The following ATP8B1 variants were observed in gnomAD, a reference collection of about 807,000 sequenced individuals.
ATP8B1 encodes the protein ATPase phospholipid transporting 8B1, also known as phospholipid-transporting ATPase IC.
A neutral mutation model predicts 149.9 loss-of-function variants in ATP8B1; 80 were observed. The observed-to-expected ratio is 0.53, with a 90% CI of 0.45 to 0.64. The LOEUF (loss-of-function observed/expected upper bound fraction) is 0.64, where lower values mean the gene tolerates loss of function less well. Ranked by LOEUF, ATP8B1 falls within the 30% of genes least tolerant of loss-of-function variation. The pLI, the probability that ATP8B1 is intolerant of heterozygous loss-of-function variation, is 0.00. For synonymous variants in ATP8B1, 536 were observed against 562.8 expected (o/e 0.95, Z 0.67); for missense variants, 1,247 against 1,552.6 (o/e 0.80, Z 3.31).
chr18:57,675,107 G>A (rs1251031280), intron 15 of ATP8B1, 85 bp from the exon 16 acceptor site: 1 of 1,442,026 alleles, frequency 6.9e-7, no homozygotes, highest in East Asian at 2.4e-5. Flanking sequence ...AGGCTCCTGT[G>A]GGGGTCAGAT....
At chr18:57,703,101 A>G (rs569197417) in intron 4 of ATP8B1, among the ~76,000 whole-genome samples, 5 of 152,186 alleles carry the variant, frequency 3.3e-5, no homozygotes, top group African/African-American at 1.2e-4. Flanking sequence ...TGAAGGTCTT[A>G]CAGTTTCCTA....
intron 1 of ATP8B1, among the ~76,000 whole-genome samples, chr18:57,788,635 TA>T (rs931050329): frequency 3.3e-5 from 5 of 152,144 alleles, no homozygotes; most frequent in African/African-American, 1.2e-4. Flanking sequence ...AAGAGTACCC[TA>T]ACCCAGTTCC....
intron 2 of ATP8B1, among the ~76,000 whole-genome samples, chr18:57,722,179 T>A (rs927477362): frequency 6.6e-6 from 1 of 150,970 alleles, no homozygotes; most frequent in African/African-American, 2.5e-5. Flanking sequence ...AACATCACAA[T>A]TAAAAGAAGT....
At chr18:57,664,067 C>G (rs1294499898) in intron 20 of ATP8B1, among the ~76,000 whole-genome samples, 5 of 41,484 alleles carry the variant, frequency 1.2e-4, no homozygotes, top group South Asian at 3.4e-3. Context: ...GCCTGGCCAG[C>G]CCTTTTTTTT....
At chr18:57,677,768 C>G (rs1025094) in intron 15 of ATP8B1, among the ~76,000 whole-genome samples, 33,987 of 152,038 alleles carry the variant, frequency 0.22, 3,997 homozygotes, top group South Asian at 0.28. Context: ...AGAGACAAAT[C>G]AGCAGCGGTG....
At chr18:57,700,395 G>A (rs1378701042) in intron 6 of ATP8B1, among the ~76,000 whole-genome samples, 1 of 152,118 alleles carries the variant, frequency 6.6e-6, no homozygotes, top group Admixed American at 6.6e-5. Context: ...ACTGCCTCCA[G>A]TGAAATTAAG....
intron 6 of ATP8B1, among the ~76,000 whole-genome samples, chr18:57,699,286 T>C (rs1912994466): frequency 6.6e-6 from 1 of 152,250 alleles, no homozygotes; most frequent in African/African-American, 2.4e-5. Flanking sequence ...AAGAAAATTA[T>C]GTTCCAAAGT....
chr18:57,648,777 A>G, intron 27 of ATP8B1, 65 bp from the exon 28 acceptor site: 1 of 1,498,130 alleles, frequency 6.7e-7, no homozygotes, highest in Non-Finnish European at 9.1e-7. Context: ...GCCTGGCCAG[A>G]CGGTTGACAG....
At chr18:57,727,562 T>A (rs1038873883) in intron 2 of ATP8B1, among the ~76,000 whole-genome samples, 6 of 151,972 alleles carry the variant, frequency 3.9e-5, no homozygotes, top group Non-Finnish European at 5.9e-5. Context: ...AGGCTGAGGC[T>A]GGTGGATCAC....
chr18:57,745,998 A>G (rs778093205), intron 1 of ATP8B1, among the ~76,000 whole-genome samples: 4 of 152,204 alleles, frequency 2.6e-5, no homozygotes, highest in Admixed American at 6.5e-5. Context: ...ATTAAAAATA[A>G]CAGCTATTTT....
intron 1 of ATP8B1, among the ~76,000 whole-genome samples, chr18:57,788,891 G>A (rs761587945): frequency 6.6e-6 from 1 of 152,132 alleles, no homozygotes; most frequent in Non-Finnish European, 1.5e-5. Context: ...AGATATTAAA[G>A]ATGGAAAAAA....
intron 14 of ATP8B1, 89 bp downstream of exon 14, chr18:57,684,983 T>C: frequency 6.6e-7 from 1 of 1,517,162 alleles, no homozygotes; most frequent in Non-Finnish European, 9.1e-7. Context: ...AACGAAAGAG[T>C]CTTCCCTAGA....
intron 15 of ATP8B1, among the ~76,000 whole-genome samples, chr18:57,677,573 T>C (rs1911675241): frequency 6.6e-6 from 1 of 152,094 alleles, no homozygotes; most frequent in African/African-American, 2.4e-5. Context: ...TCCTTCACAA[T>C]TGGCTCAGAG....
intron 15 of ATP8B1, among the ~76,000 whole-genome samples, chr18:57,677,814 C>T (rs1400917227): frequency 6.6e-6 from 1 of 151,998 alleles, no homozygotes; most frequent in Non-Finnish European, 1.5e-5. Context: ...CTTAAGTTGG[C>T]ACAGCGATAT....
chr18:57,801,577 G>C (rs1405677160), intron 1 of ATP8B1, among the ~76,000 whole-genome samples: 2 of 152,092 alleles, frequency 1.3e-5, no homozygotes, highest in Non-Finnish European at 2.9e-5. Context: ...ATTTGCTGTC[G>C]TGTCCCCCAT....
chr18:57,652,596 A>T lies in ATP8B1; in HGVS notation c.3149T>A (p.Ile1050Lys), dbSNP rs1169856850. 8.1e-6 allele frequency: 13 copies of T among 1,614,196 alleles called. No homozygotes were observed. Among genetic ancestry groups the T allele is most frequent in the Non-Finnish European group, 1.0e-5 (12 of 1,180,016 alleles). Residue 1050 changes from isoleucine (I) to lysine (K), a missense_variant, in exon 25 of 28, where the codon ATA becomes AAA. Transcript: ENST00000648908. ...GGTTTGCAGATAAGCTCCAAGAGGT[A>T]TGAAGAAGAGGATCATCGATGTTAG... ...GVLTSMILFFIPLGAYLQTVG... is the reference protein window; with the variant it reads ...GVLTSMILFFKPLGAYLQTVG...
chr18:57,775,806 G>A (rs968419957), intron 1 of ATP8B1, among the ~76,000 whole-genome samples: 1 of 151,966 alleles, frequency 6.6e-6, no homozygotes, highest in Non-Finnish European at 1.5e-5. Flanking sequence ...CACCACACCC[G>A]GCTAATTTTG....
chr18:57,763,716 G>A (rs2080178664), intron 1 of ATP8B1, among the ~76,000 whole-genome samples: 1 of 151,506 alleles, frequency 6.6e-6, no homozygotes, highest in African/African-American at 2.4e-5. Context: ...TTGGGGGGCG[G>A]GGGGATGAAG....
chr18:57,658,625 CTT>C (rs1491583140), intron 22 of ATP8B1, among the ~76,000 whole-genome samples: 4 of 111,728 alleles, frequency 3.6e-5, no homozygotes, highest in Admixed American at 9.6e-5. Flanking sequence ...CCAACAATTT[CTT>C]TGTGTGTGTG....
Sources: gnomAD v4.1 joint callset for allele counts (sites outside exome capture counted in the v4.1 genomes callset) on GRCh38, gnomAD v4.1.1 for gene constraint, MANE v1.5 for transcripts, NCBI Gene and HGNC (gene_info 2026-07-23, HGNC 2026-07-21) for gene names.